Variants in SI observed in about 807,000 individuals in gnomAD.
The protein encoded by SI is sucrase-isomaltase, also known as sucrase-isomaltase, intestinal.
Under a neutral mutation model 253.3 loss-of-function variants are expected in SI, and 235 were observed. That is an observed-to-expected ratio of 0.93 (90% CI 0.83 to 1.03). SI has a LOEUF of 1.03. SI is among the 50% of genes least tolerant of loss of function. The pLI is 0.00. For synonymous variants in SI, 819 were observed against 712.0 expected (o/e 1.15, Z -2.39); for missense variants, 2,442 against 2,211.1 (o/e 1.10, Z -2.09).
At chr3:165,040,456 G>A (rs902317251) in intron 18 of SI, among the ~76,000 whole-genome samples, 1 of 151,930 alleles carries the variant, frequency 6.6e-6, no homozygotes, top group Non-Finnish European at 1.5e-5. Context: ...AATCTTTCAT[G>A]TTCTACTTTC....
At chr3:165,081,696 A>G (rs1715332542), upstream of SI, among the ~76,000 whole-genome samples, 1 of 152,004 alleles carries the variant, frequency 6.6e-6, no homozygotes, top group African/African-American at 2.4e-5. Context: ...ACTAGAAAGA[A>G]AACAGCCACA....
intron 25 of SI, among the ~76,000 whole-genome samples, chr3:165,027,122 A>T (rs1711961422): frequency 6.6e-6 from 1 of 151,476 alleles, no homozygotes; most frequent in African/African-American, 2.4e-5. Context: ...ATTAGAAATG[A>T]AATGCGAGAT....
At chr3:165,001,172 T>C (rs1355341861) in intron 37 of SI, among the ~76,000 whole-genome samples, 2 of 151,396 alleles carry the variant, frequency 1.3e-5, no homozygotes, top group Non-Finnish European at 3.0e-5. Context: ...AATCAATTTA[T>C]AAACATTTTC....
chr3:165,059,782 A>C, intron 10 of SI, 120 bp downstream of exon 10: 2 of 1,012,644 alleles, frequency 2.0e-6, no homozygotes, highest in East Asian at 2.4e-5. Flanking sequence ...ATTAAAAGGC[A>C]GCCTCTTAAT....
chr3:165,048,361 T>A (rs1035925726), intron 15 of SI, among the ~76,000 whole-genome samples: 1 of 151,638 alleles, frequency 6.6e-6, no homozygotes, highest in African/African-American at 2.4e-5. Context: ...AGAAGGATAT[T>A]AATTAGAAAA....
intron 25 of SI, 149 bp downstream of exon 25, chr3:165,030,563 C>T: frequency 2.6e-6 from 2 of 774,548 alleles, no homozygotes; most frequent in East Asian, 2.6e-5. Context: ...AAGTGAATTG[C>T]CTGTCAGAGA....
At chr3:165,017,493 C>A in intron 31 of SI, 55 bp downstream of exon 31, 2 of 1,543,262 alleles carry the variant, frequency 1.3e-6, no homozygotes, top group African/African-American at 1.4e-5. Context: ...TTAATTATTT[C>A]ATTCTACTTT....
chr3:164,979,233 A>T lies in SI; in HGVS notation c.*129T>A, dbSNP rs1213797383. On this transcript the variant is annotated 3_prime_UTR_variant, in exon 48 of 48. Transcript: ENST00000264382. ...TTATCATTGATGTACGCTACAAAAT[A>T]ACTTTTCGATGTTATGAAAGCTATA... 1.4e-6 allele frequency: 1 copy of T among 711,946 alleles called. No homozygotes were observed. The highest frequency in any genetic ancestry group is 1.7e-5 in the African/African-American group (1 of 57,656). The allele number at this position is 711,946 out of a possible 1,614,324, so 44.1% of individuals were successfully genotyped here.
intron 20 of SI, among the ~76,000 whole-genome samples, chr3:165,038,585 C>T (rs1712661226): frequency 6.6e-6 from 1 of 150,908 alleles, no homozygotes; most frequent in Non-Finnish European, 1.5e-5. Context: ...AAATATTGCT[C>T]AAAAGGTCTT....
chr3:165,055,238 A>G lies in SI; in HGVS notation c.1468T>C (p.Cys490Arg). 1.2e-6 allele frequency: 2 copies of G among 1,611,906 alleles called. No homozygotes were observed. Among genetic ancestry groups the G allele is most frequent in the Non-Finnish European group, 1.7e-6 (2 of 1,178,502 alleles). The part of the protein sequence containing the change: ...PNCIDWWANE[C>R]SIFHQEVQYD... ...TGCACTTCTTGATGGAAAATACTGCATTCATTTGCCCACCAATCAATGCAG... is the reference window on the plus strand; with the variant it reads ...TGCACTTCTTGATGGAAAATACTGCGTTCATTTGCCCACCAATCAATGCAG... Residue 490 changes from cysteine to arginine, a missense_variant, in exon 13 of 48, where the codon TGC becomes CGC. Coordinates refer to ENST00000264382, the MANE Select transcript of SI (RefSeq NM_001041.4).
intron 27 of SI, 75 bp downstream of exon 27, chr3:165,021,154 C>CTGTT: frequency 7.8e-7 from 1 of 1,287,962 alleles, no homozygotes; most frequent in Non-Finnish European, 1.1e-6. Context: ...ACAGTGAAGG[C>CTGTT]TGTTAATCAT....
At chr3:165,079,094 A>G (rs1340365855), upstream of SI, among the ~76,000 whole-genome samples, 3 of 151,594 alleles carry the variant, frequency 2.0e-5, no homozygotes, top group Non-Finnish European at 4.4e-5. Flanking sequence ...GAATTATAAA[A>G]AATCATATTG....
intron 21 of SI, among the ~76,000 whole-genome samples, chr3:165,037,415 T>C (rs140894730): frequency 1.2e-3 from 186 of 151,980 alleles, no homozygotes; most frequent in African/African-American, 4.3e-3. Flanking sequence ...TTAGAAAATA[T>C]TTCTGAGATT....
At chr3:165,051,344 TC>T (rs1339044995) in intron 13 of SI, among the ~76,000 whole-genome samples, 1 of 152,106 alleles carries the variant, frequency 6.6e-6, no homozygotes, top group Non-Finnish European at 1.5e-5. Context: ...GGTATATATT[TC>T]CACTTCCCAA....
intron 25 of SI, among the ~76,000 whole-genome samples, chr3:165,026,744 G>C (rs1346816696): frequency 6.6e-6 from 1 of 151,166 alleles, no homozygotes; most frequent in Non-Finnish European, 1.5e-5. Context: ...ATAAAATCAA[G>C]TTGAAAATTT....
At chr3:164,997,299 A>G (rs1002466913) in intron 38 of SI, among the ~76,000 whole-genome samples, 1 of 151,726 alleles carries the variant, frequency 6.6e-6, no homozygotes, top group Non-Finnish European at 1.5e-5. Context: ...TTTTCCTTGA[A>G]TTTATTTATC....
the SI span, among the ~76,000 whole-genome samples, chr3:165,089,127 A>C: frequency 6.7e-6 from 1 of 150,344 alleles, no homozygotes; most frequent in South Asian, 2.1e-4. Flanking sequence ...TCTTCTTTGA[A>C]GAACATTGTT....
In SI at chr3:165,030,665, G is replaced by T. The variant is rs1212129941; in HGVS notation, c.2892+47C>A. ...TAATATGTAAAATTTGCACCAAAAT[G>T]CTTATGTGATAACCATATCATGAGT... On this transcript the variant is annotated intron_variant, in intron 25 of 47. Transcript: ENST00000264382. The T allele has an allele frequency of 1.9e-6, 3 of 1,574,846 alleles. No homozygotes were observed. The African/African-American group carries it at 4.1e-5, about 21-fold the overall frequency.
At chr3:165,024,582 T>C (rs1378235989) in intron 25 of SI, among the ~76,000 whole-genome samples, 1 of 151,136 alleles carries the variant, frequency 6.6e-6, no homozygotes, top group Non-Finnish European at 1.5e-5. Context: ...GTCTGGCTTC[T>C]ATCTAAAGTG....
Sources: allele counts gnomAD v4.1 joint callset (sites outside exome capture counted in the v4.1 genomes callset), GRCh38; gene constraint gnomAD v4.1.1; transcripts MANE v1.5; gene names NCBI Gene and HGNC (gene_info 2026-07-23, HGNC 2026-07-21).